WWOX: variants seen among roughly 807,000 people sequenced by gnomAD.
WWOX encodes the protein WW domain-containing oxidoreductase.
Under a neutral mutation model 46.2 loss-of-function variants are expected in WWOX, and 69 were observed. The ratio of observed to expected loss-of-function variants is 1.49; its 90% CI spans 1.23 to 1.82. WWOX has a LOEUF of 1.82. Ranked by LOEUF, WWOX falls within the 40% of genes most tolerant of loss-of-function variation. The pLI, the probability that WWOX is intolerant of heterozygous loss-of-function variation, is 0.00. For synonymous variants in WWOX, 359 were observed against 202.6 expected (o/e 1.77, Z -6.56); for missense variants, 919 against 542.6 (o/e 1.69, Z -6.89).
intron 8 of WWOX, among the ~76,000 whole-genome samples, chr16:78,563,659 G>C (rs1336907289): frequency 6.6e-6 from 1 of 151,872 alleles, no homozygotes; most frequent in Non-Finnish European, 1.5e-5. Context: ...AATTATCCAG[G>C]AGGAATGATT....
chr16:78,204,557 C>T (rs1178178776), intron 5 of WWOX, among the ~76,000 whole-genome samples: 1 of 152,104 alleles, frequency 6.6e-6, no homozygotes, highest in Non-Finnish European at 1.5e-5. Flanking sequence ...CTCATCAACC[C>T]CCCACTACCC....
chr16:79,063,556 A>T (rs997251813), intron 8 of WWOX, among the ~76,000 whole-genome samples: 2 of 152,314 alleles, frequency 1.3e-5, no homozygotes, highest in South Asian at 2.1e-4. Flanking sequence ...TATCTGGAAA[A>T]CCAAATGGAG....
intron 5 of WWOX, among the ~76,000 whole-genome samples, chr16:78,181,289 G>A (rs1241816039): frequency 1.6e-4 from 25 of 152,146 alleles, no homozygotes; most frequent in African/African-American, 4.8e-4. Context: ...GACGGTGTGT[G>A]TGTGGGGGTG....
intron 8 of WWOX, among the ~76,000 whole-genome samples, chr16:78,995,500 A>T (rs1438992790): frequency 6.6e-6 from 1 of 152,020 alleles, no homozygotes; most frequent in Non-Finnish European, 1.5e-5. Flanking sequence ...AAATTATGGA[A>T]CCCAAGCTGG....
At chr16:78,909,955 G>A (rs2045065828) in intron 8 of WWOX, among the ~76,000 whole-genome samples, 1 of 152,014 alleles carries the variant, frequency 6.6e-6, no homozygotes, top group African/African-American at 2.4e-5. Flanking sequence ...TTCTCTCCCT[G>A]GTACATAAAA....
intron 6 of WWOX, among the ~76,000 whole-genome samples, chr16:78,403,692 G>A (rs1042574881): frequency 2.0e-5 from 3 of 152,184 alleles, no homozygotes; most frequent in Admixed American, 1.3e-4. Flanking sequence ...GCACTGCTTC[G>A]CATGGGGGCT....
intron 8 of WWOX, among the ~76,000 whole-genome samples, chr16:78,532,387 C>T (rs1053631427): frequency 6.6e-5 from 10 of 152,070 alleles, no homozygotes; most frequent in African/African-American, 2.4e-4. Flanking sequence ...CCTTGAAATC[C>T]TCATCTTTGA....
At chr16:78,558,721 C>T (rs963545758) in intron 8 of WWOX, among the ~76,000 whole-genome samples, 7 of 152,338 alleles carry the variant, frequency 4.6e-5, no homozygotes, top group African/African-American at 1.4e-4. Flanking sequence ...TGTCACTTCT[C>T]CCCAGTCTTG....
intron 8 of WWOX, among the ~76,000 whole-genome samples, chr16:79,150,079 G>A (rs957329701): frequency 6.6e-6 from 1 of 152,230 alleles, no homozygotes; most frequent in African/African-American, 2.4e-5. Flanking sequence ...TTTTAAGGCA[G>A]TTGAGAAGAC....
chr16:78,625,055 C>T (rs1021312179), intron 8 of WWOX, among the ~76,000 whole-genome samples: 1 of 152,204 alleles, frequency 6.6e-6, no homozygotes, highest in Non-Finnish European at 1.5e-5. Context: ...TCTTCCCTGG[C>T]ACTCGTTTGA....
intron 8 of WWOX, among the ~76,000 whole-genome samples, chr16:78,957,843 C>T (rs929379298): frequency 3.2e-4 from 49 of 152,290 alleles, no homozygotes; most frequent in African/African-American, 1.0e-3. Flanking sequence ...CCCACTTGTG[C>T]CTTTGTGAAT....
intron 8 of WWOX, among the ~76,000 whole-genome samples, chr16:79,039,945 G>T (rs990448796): frequency 6.6e-6 from 1 of 152,154 alleles, no homozygotes; most frequent in African/African-American, 2.4e-5. Flanking sequence ...CATCTGGAGG[G>T]GTGTAGTGTG....
At chr16:78,211,505 A>G (rs2036559178) in intron 5 of WWOX, among the ~76,000 whole-genome samples, 1 of 152,146 alleles carries the variant, frequency 6.6e-6, no homozygotes, top group African/African-American at 2.4e-5. Flanking sequence ...TGCTTAATAA[A>G]GTCCCCGGCA....
chr16:78,400,887 G>C (rs547659713), intron 6 of WWOX, among the ~76,000 whole-genome samples: 4 of 152,312 alleles, frequency 2.6e-5, no homozygotes, highest in African/African-American at 9.6e-5. Flanking sequence ...GCAGTGGCAC[G>C]ATCACAGCTC....
At chr16:78,671,111 C>A (rs1239455468) in intron 8 of WWOX, among the ~76,000 whole-genome samples, 1 of 152,160 alleles carries the variant, frequency 6.6e-6, no homozygotes, top group East Asian at 1.9e-4. Context: ...CCTCTGGCTT[C>A]CTGAACTGTG....
At chr16:78,144,561 G>A (rs375208893) in intron 4 of WWOX, among the ~76,000 whole-genome samples, 1 of 120,234 alleles carries the variant, frequency 8.3e-6, no homozygotes, top group East Asian at 2.4e-4. Context: ...TTACTCTGTC[G>A]CCCAGGCTGG....
chr16:78,786,342 T>C (rs2050455615), intron 8 of WWOX, among the ~76,000 whole-genome samples: 1 of 152,188 alleles, frequency 6.6e-6, no homozygotes, highest in African/African-American at 2.4e-5. Context: ...AAGTTATAAA[T>C]ATGAGATCAC....
At chr16:78,974,835 A>C (rs868791692) in intron 8 of WWOX, among the ~76,000 whole-genome samples, 1 of 152,146 alleles carries the variant, frequency 6.6e-6, no homozygotes. Context: ...CGGGAAGCAG[A>C]GGCAATTTAT....
chr16:78,591,032 A>T (rs2045338665), intron 8 of WWOX, among the ~76,000 whole-genome samples: 1 of 152,108 alleles, frequency 6.6e-6, no homozygotes, highest in African/African-American at 2.4e-5. Flanking sequence ...CCAGTATGAA[A>T]ATGTGTTATC....
Sources: gnomAD v4.1 joint callset for allele counts (sites outside exome capture counted in the v4.1 genomes callset) on GRCh38, gnomAD v4.1.1 for gene constraint, MANE v1.5 for transcripts, NCBI Gene and HGNC (gene_info 2026-07-23, HGNC 2026-07-21) for gene names.